The following IGSF11 variants were observed in gnomAD, a reference collection of about 807,000 sequenced individuals.
IGSF11 encodes CXADR like 1.
IGSF11 carries 22 observed loss-of-function variants against 41.0 expected under a neutral mutation model. That is an observed-to-expected ratio of 0.54 (90% confidence interval 0.38 to 0.77). The LOEUF (loss-of-function observed/expected upper bound fraction) is 0.77, where lower values mean the gene tolerates loss of function less well. Ranked by LOEUF, IGSF11 falls within the 30% of genes least tolerant of loss-of-function variation. The pLI is 0.00. For missense variants in IGSF11, 444 were observed against 530.8 expected (o/e 0.84, Z 1.61); for synonymous variants, 219 against 201.3 (o/e 1.09, Z -0.74).
At chr3:119,005,093 AG>A (rs1014657168) in intron 1 of IGSF11, among the ~76,000 whole-genome samples, 43 of 147,694 alleles carry the variant, frequency 2.9e-4, no homozygotes, top group African/African-American at 1.1e-3. Flanking sequence ...AATGTTTGGG[AG>A]TCTAAGTCTC....
chr3:119,003,646 T>A (rs1937144689), intron 1 of IGSF11, among the ~76,000 whole-genome samples: 1 of 151,858 alleles, frequency 6.6e-6, no homozygotes, highest in Admixed American at 6.6e-5. Flanking sequence ...CATCAATACT[T>A]AATTTATTGA....
Position 119,130,101 on chromosome 3 carries a change from G to A in IGSF11, c.-14+15712C>T, listed in dbSNP as rs565564335. Among the ~76,000 whole-genome samples, 7 of 152,204 alleles carry A rather than the reference G, an allele frequency of 4.6e-5. No homozygotes were observed. In the South Asian group the frequency reaches 1.5e-3, roughly 32 times the overall value. On this transcript the variant is annotated intron_variant, in intron 1 of 7. Transcript: ENST00000425327. ...GTCTGGTTTCTGTTCCAAGATGGCC[G>A]AATAGGAACAGCTCCAGTCTGCAGC... is the stretch of plus-strand genomic sequence containing the variant.
rs555523402 is a variant in IGSF11 at position 118,953,792 on chromosome 3, T to C, written c.53-23517A>G. Among the ~76,000 whole-genome samples, 6 of 152,340 alleles carry C rather than the reference T, an allele frequency of 3.9e-5. 1 individual carries two copies. Among genetic ancestry groups the C allele is most frequent in the African/African-American group, 1.4e-4 (6 of 41,582 alleles). ...ATTTGTTTGAGTTCCTTGCAGATTC[T>C]GGATATTAGTCCTTTGTCAGATGTA... is the stretch of plus-strand genomic sequence containing the variant. On this transcript the variant is annotated intron_variant, in intron 1 of 6. Coordinates refer to ENST00000393775, the MANE Select transcript of IGSF11 (RefSeq NM_001015887.3).
chr3:118,940,862 C>T (rs1420285597), intron 1 of IGSF11, among the ~76,000 whole-genome samples: 2 of 146,022 alleles, frequency 1.4e-5, no homozygotes, highest in Admixed American at 1.4e-4. Context: ...GAAAAGTTTA[C>T]TCTTTTTGAA....
intron 1 of IGSF11, among the ~76,000 whole-genome samples, chr3:118,954,450 G>T (rs959679577): frequency 1.3e-5 from 2 of 152,042 alleles, no homozygotes; most frequent in Admixed American, 6.6e-5. Context: ...CAACACATCT[G>T]CAGTGACTTC....
At chr3:119,005,546 T>C (rs1009418210) in intron 1 of IGSF11, among the ~76,000 whole-genome samples, 33 of 138,940 alleles carry the variant, frequency 2.4e-4, no homozygotes, top group African/African-American at 7.9e-4. Flanking sequence ...TTGATGCAGT[T>C]TCTTCCTAGT....
intron 1 of IGSF11, chr3:118,948,097 C>T (rs1944294161): frequency 6.6e-6 from 1 of 152,160 alleles, no homozygotes; most frequent in Non-Finnish European, 1.5e-5. Flanking sequence ...AATATATACA[C>T]AGAAACATGC....
At chr3:118,966,397 T>C (rs918307083) in intron 1 of IGSF11, among the ~76,000 whole-genome samples, 1 of 152,178 alleles carries the variant, frequency 6.6e-6, no homozygotes, top group Non-Finnish European at 1.5e-5. Flanking sequence ...CCTGGCTCCA[T>C]GTTGCTTTTT....
At chr3:119,082,966 T>G (rs559865501) in intron 1 of IGSF11, among the ~76,000 whole-genome samples, 2 of 152,170 alleles carry the variant, frequency 1.3e-5, no homozygotes, top group Middle Eastern at 6.8e-3. Flanking sequence ...TTAAAATCAA[T>G]TGTCAGGGTT....
At chr3:118,946,286 C>T (rs965542241) in intron 1 of IGSF11, among the ~76,000 whole-genome samples, 9 of 148,466 alleles carry the variant, frequency 6.1e-5, no homozygotes, top group African/African-American at 2.3e-4. Context: ...TTAAAAAAAT[C>T]ACACAACTTC....
At chr3:118,979,535 T>A (rs1285024887) in intron 1 of IGSF11, among the ~76,000 whole-genome samples, 1 of 152,110 alleles carries the variant, frequency 6.6e-6, no homozygotes, top group Non-Finnish European at 1.5e-5. Flanking sequence ...CAACTCAAGA[T>A]GGATTAAAGA....
At chr3:119,121,153 G>A (rs1159958156) in intron 1 of IGSF11, among the ~76,000 whole-genome samples, 3 of 151,904 alleles carry the variant, frequency 2.0e-5, no homozygotes, top group African/African-American at 7.3e-5. Flanking sequence ...GAAAAATTAT[G>A]ACACTTATGA....
intron 1 of IGSF11, among the ~76,000 whole-genome samples, chr3:119,118,734 T>C (rs1375987741): frequency 6.6e-6 from 1 of 152,232 alleles, no homozygotes; most frequent in Non-Finnish European, 1.5e-5. Flanking sequence ...CAAACTTTTA[T>C]GCCCTGTTTC....
At chr3:119,023,784 C>T (rs1020667019) in intron 1 of IGSF11, among the ~76,000 whole-genome samples, 1 of 152,184 alleles carries the variant, frequency 6.6e-6, no homozygotes, top group African/African-American at 2.4e-5. Context: ...TGCCGACCCC[C>T]ACTATGTCAA....
At chr3:119,045,978 C>A (rs1250222793) in intron 1 of IGSF11, among the ~76,000 whole-genome samples, 1 of 151,634 alleles carries the variant, frequency 6.6e-6, no homozygotes, top group Non-Finnish European at 1.5e-5. Context: ...GACATCCACA[C>A]CAAAAACCCA....
intron 1 of IGSF11, among the ~76,000 whole-genome samples, chr3:119,026,539 G>C (rs981512282): frequency 1.3e-5 from 2 of 152,062 alleles, no homozygotes; most frequent in Non-Finnish European, 2.9e-5. Context: ...CCTTAACACA[G>C]GTCAAGGCTT....
intron 1 of IGSF11, among the ~76,000 whole-genome samples, chr3:118,959,926 C>T (rs1384635946): frequency 2.0e-5 from 3 of 151,814 alleles, no homozygotes; most frequent in Non-Finnish European, 4.4e-5. Context: ...GCGCCTGTAG[C>T]CCCAGCTACT....
chr3:118,959,993 G>A (rs192044433), intron 1 of IGSF11, among the ~76,000 whole-genome samples: 5 of 151,508 alleles, frequency 3.3e-5, no homozygotes, highest in South Asian at 2.1e-4. Flanking sequence ...TGCAGTGAGC[G>A]GAGATCGCGC....
rs1940762098 is a variant in IGSF11, at chr3:119,034,608, C to T, written c.-26G>A. 1.3e-6 allele frequency: 2 copies of T among 1,571,126 alleles called. No individual in the cohort carries two copies. The highest frequency in any genetic ancestry group is 4.8e-5 in the East Asian group (2 of 41,750). ...CCCGGGGCCGCAGGGAGCGCGCCTGCCTCCTACCCGGCTCCCGGTCGCAAC... is the reference window on the plus strand; with the variant it reads ...CCCGGGGCCGCAGGGAGCGCGCCTGTCTCCTACCCGGCTCCCGGTCGCAAC... On this transcript the variant is annotated 5_prime_UTR_variant, in exon 1 of 7. Transcript: ENST00000393775.
Sources: allele counts gnomAD v4.1 joint callset (sites outside exome capture counted in the v4.1 genomes callset), GRCh38; gene constraint gnomAD v4.1.1; transcripts MANE v1.5; gene names NCBI Gene and HGNC (gene_info 2026-07-23, HGNC 2026-07-21).